DNAH7: variants seen among roughly 807,000 people sequenced by gnomAD.
DNAH7 encodes axonemal beta dynein heavy chain 7.
Under a neutral mutation model 444.6 loss-of-function variants are expected in DNAH7, and 397 were observed. That is an observed-to-expected ratio of 0.89 (90% CI 0.82 to 0.97). The LOEUF is 0.97. DNAH7 is among the 50% of genes least tolerant of loss of function. The probability of loss-of-function intolerance (pLI) is 0.00; values close to 1 mark genes in which losing one functional copy is unlikely to be tolerated. For missense variants in DNAH7, 4,902 were observed against 4,800.8 expected, an observed-to-expected ratio of 1.02 and a Z score of -0.62; for synonymous variants, 1,636 against 1,624.4, an observed-to-expected ratio of 1.01 and a Z score of -0.17.
intron 5 of DNAH7, among the ~76,000 whole-genome samples, chr2:196,029,710 A>G (rs1695919191): frequency 6.6e-6 from 1 of 152,200 alleles, no homozygotes; most frequent in South Asian, 2.1e-4. Context: ...CTAATTAACT[A>G]TGAAAGGAAG....
intron 61 of DNAH7, among the ~76,000 whole-genome samples, chr2:195,767,165 T>A (rs1011955992): frequency 6.6e-6 from 1 of 152,128 alleles, no homozygotes; most frequent in African/African-American, 2.4e-5. Flanking sequence ...TTATTAAATT[T>A]TCATTTAAAT....
chr2:196,003,478 G>T (rs1454407434), intron 10 of DNAH7, among the ~76,000 whole-genome samples: 1 of 152,172 alleles, frequency 6.6e-6, no homozygotes, highest in African/African-American at 2.4e-5. Context: ...GGGTACAAAA[G>T]ATTTCTTAAT....
intron 48 of DNAH7, among the ~76,000 whole-genome samples, chr2:195,832,840 CTAAAA>C (rs965809084): frequency 2.0e-5 from 3 of 152,086 alleles, no homozygotes; most frequent in African/African-American, 7.2e-5. Context: ...TTATATCATA[CTAAAA>C]TATGATACAC....
chr2:195,947,667 C>T (rs1272335043), intron 19 of DNAH7, among the ~76,000 whole-genome samples: 1 of 152,054 alleles, frequency 6.6e-6, no homozygotes, highest in Non-Finnish European at 1.5e-5. Flanking sequence ...TGTATATGTG[C>T]CACATTTTCT....
At chr2:196,002,784 G>C (rs1694121906) in intron 10 of DNAH7, among the ~76,000 whole-genome samples, 1 of 152,088 alleles carries the variant, frequency 6.6e-6, no homozygotes, top group Non-Finnish European at 1.5e-5. Flanking sequence ...AAGGTGGGTG[G>C]ATCACCTGAG....
In DNAH7 at chr2:196,025,106, C is replaced by T. The variant is rs140911212; in HGVS notation, c.668-602G>A. 5.4e-4 allele frequency among the ~76,000 whole-genome samples: 82 copies of T among 152,260 alleles called. 2 individuals are homozygous for T. In the East Asian group the frequency reaches 0.012, roughly 22 times the overall value. On this transcript the variant is annotated intron_variant, in intron 7 of 64. Transcript: ENST00000312428. ...GATGTACATAGGTTATATGCAAATA[C>T]TATGCCATTTTATATCAGAGACTTA...
intron 58 of DNAH7, among the ~76,000 whole-genome samples, chr2:195,782,076 T>C (rs1695414971): frequency 6.6e-6 from 1 of 151,790 alleles, no homozygotes; most frequent in Non-Finnish European, 1.5e-5. Context: ...AAGTAGATAA[T>C]ATATATCCAC....
chr2:195,990,633 T>C (rs1294022543), intron 12 of DNAH7, among the ~76,000 whole-genome samples: 1 of 151,712 alleles, frequency 6.6e-6, no homozygotes, highest in Non-Finnish European at 1.5e-5. Context: ...CACTCCAACC[T>C]AGGCGACAGA....
In DNAH7 at chr2:195,987,096, A is replaced by T; in HGVS notation, c.1724T>A (p.Met575Lys). ...ATTTACTTCCTGATGATCTCTGAAC[A>T]TTTTAGCTAGAAGTTTCCCACAAAT... is the stretch of plus-strand genomic sequence containing the variant. Reference protein sequence around the residue: ...DIICGKLLAKMFRDHQEVNTR... With the variant: ...DIICGKLLAKKFRDHQEVNTR... Residue 575 changes from methionine to lysine, a missense_variant, in exon 14 of 65, where the codon ATG (methionine) becomes AAG (lysine). Met to Lys is a moderately conservative substitution (Grantham distance 95). Coordinates refer to ENST00000312428, the MANE Select transcript of DNAH7 (RefSeq NM_018897.3). The T allele has an allele frequency of 6.2e-7, 1 of 1,605,748 alleles. No homozygotes were observed. The highest frequency in any genetic ancestry group is 8.5e-7 in the Non-Finnish European group (1 of 1,177,744).
intron 15 of DNAH7, among the ~76,000 whole-genome samples, chr2:195,978,202 TAGTAC>T (rs1182721860): frequency 6.6e-6 from 1 of 151,970 alleles, no homozygotes; most frequent in Admixed American, 6.6e-5. Flanking sequence ...TCCAGACAGA[TAGTAC>T]AGTAAGATAT....
intron 10 of DNAH7, among the ~76,000 whole-genome samples, chr2:196,007,623 T>A (rs1305933839): frequency 6.6e-6 from 1 of 152,182 alleles, no homozygotes; most frequent in Non-Finnish European, 1.5e-5. Flanking sequence ...TGGAGATAAT[T>A]GAATCACAGG....
At position 196,007,553 on chromosome 2, in the gene DNAH7, G is replaced by C. The variant is rs550000638; in HGVS notation, c.989+5234C>G. ...TATGATACTGATATGGTTTGGCTGT[G>C]TCTCCACCCAAATCTCACCTTGAAT... On this transcript the variant is annotated intron_variant, in intron 10 of 64. Transcript: ENST00000312428. 4.6e-5 allele frequency among the ~76,000 whole-genome samples: 7 copies of C among 152,266 alleles called. No individual in the cohort carries two copies. The South Asian group carries it at 1.0e-3, about 23-fold the overall frequency.
rs189913342 is a variant in DNAH7, at chr2:195,858,757, A to T, written c.7784T>A (p.Leu2595Gln). 167 of 1,613,690 alleles carry T rather than the reference A, an allele frequency of 1.0e-4. No homozygotes were observed. Among genetic ancestry groups the T allele is most frequent in the Non-Finnish European group, 1.3e-4 (154 of 1,179,804 alleles). Residue 2595 changes from leucine to glutamine, a missense_variant, in exon 43 of 65, where the codon CTG becomes CAG. Physicochemically the swap from Leu to Gln is moderately radical, Grantham distance 113. Coordinates refer to ENST00000312428, the MANE Select transcript of DNAH7 (RefSeq NM_018897.3). ...KKRYEVGLEKLDSASSQVATM... is the reference protein window; with the variant it reads ...KKRYEVGLEKQDSASSQVATM... ...GGCTACTTGAGATGAAGCAGAATCC[A>T]GTTTCTCCAAACCCACTTCATATCT...
chr2:195,898,923 T>C (rs1686524061), intron 28 of DNAH7, among the ~76,000 whole-genome samples: 1 of 152,214 alleles, frequency 6.6e-6, no homozygotes, highest in South Asian at 2.1e-4. Context: ...CCAACTTTAA[T>C]ACATTATTCA....
At chr2:195,889,211 A>T (rs1020914871) in intron 31 of DNAH7, among the ~76,000 whole-genome samples, 1 of 152,070 alleles carries the variant, frequency 6.6e-6, no homozygotes, top group Admixed American at 6.6e-5. Context: ...CAAGACAGAC[A>T]TATGTCATCT....
At chr2:196,005,645 A>G (rs1426499819) in intron 10 of DNAH7, among the ~76,000 whole-genome samples, 1 of 152,122 alleles carries the variant, frequency 6.6e-6, no homozygotes, top group Non-Finnish European at 1.5e-5. Flanking sequence ...GACAAAAACT[A>G]CCAAATCTGA....
chr2:195,764,198 A>T (rs1574395038), intron 61 of DNAH7, among the ~76,000 whole-genome samples: 1 of 148,930 alleles, frequency 6.7e-6, no homozygotes, highest in Admixed American at 6.7e-5. Flanking sequence ...CTTAATGATT[A>T]AAAAAAAAAC....
Position 196,001,772 on chromosome 2 carries a change from G to T in DNAH7, c.1076C>A (p.Ser359Tyr). The change falls in exon 11 of 65, where the codon TCT (serine) becomes TAT (tyrosine). Residue 359 changes from serine to tyrosine, a missense_variant. Coordinates refer to ENST00000312428, the MANE Select transcript of DNAH7 (RefSeq NM_018897.3). ...PTGDSSAKLE[S>Y]FFNCAAALMT... Reference sequence around the variant, plus strand: ...AAGTGCAGCAGCACAGTTGAAAAAAGATTCCAATTTGGCACTGCTGTCACC... The same window carrying T: ...AAGTGCAGCAGCACAGTTGAAAAAATATTCCAATTTGGCACTGCTGTCACC... 6.2e-7 allele frequency: 1 copy of T among 1,612,976 alleles called. No individual in the cohort carries two copies. The highest frequency in any genetic ancestry group is 2.2e-5 in the East Asian group (1 of 44,812).
At chr2:195,924,951 A>G (rs999984392) in intron 22 of DNAH7, among the ~76,000 whole-genome samples, 1 of 152,186 alleles carries the variant, frequency 6.6e-6, no homozygotes, top group African/African-American at 2.4e-5. Context: ...CTACTTTAAA[A>G]ACATTTAATA....
Sources: allele counts gnomAD v4.1 joint callset (sites outside exome capture counted in the v4.1 genomes callset), GRCh38; gene constraint gnomAD v4.1.1; transcripts MANE v1.5; gene names NCBI Gene and HGNC (gene_info 2026-07-23, HGNC 2026-07-21).